Variants in SGCG observed in about 807,000 individuals in gnomAD.
SGCG encodes sarcoglycan gamma, also known as gamma-sarcoglycan.
A neutral mutation model predicts 29.3 loss-of-function variants in SGCG; 26 were observed. The observed-to-expected ratio is 0.89, with a 90% confidence interval of 0.65 to 1.23. The LOEUF (loss-of-function observed/expected upper bound fraction) is 1.23, where lower values mean the gene tolerates loss of function less well. Among genes scored for constraint, SGCG ranks in the 50% most tolerant of loss-of-function variants. SGCG has a pLI of 0.00. For synonymous variants in SGCG, 145 were observed against 129.7 expected, an observed-to-expected ratio of 1.12 and a Z score of -0.80; for missense variants, 353 against 356.0, an observed-to-expected ratio of 0.99 and a Z score of 0.07.
intron 2 of SGCG, among the ~76,000 whole-genome samples, chr13:23,217,236 ACTATAAGC>A (rs1379383212): frequency 2.0e-5 from 3 of 152,118 alleles, no homozygotes; most frequent in Non-Finnish European, 2.9e-5. Flanking sequence ...TTGTTATCAT[ACTATAAGC>A]TCTTATGAAT....
intron 1 of SGCG, 36 bp from the exon 2 acceptor site, chr13:23,203,659 C>CT (rs938423168): frequency 6.5e-7 from 1 of 1,547,118 alleles, no homozygotes; most frequent in Non-Finnish European, 8.9e-7. Context: ...CTCTCTGTCT[C>CT]TTTCTCTCTC....
chr13:23,211,234 C>T (rs563597631), intron 2 of SGCG, among the ~76,000 whole-genome samples: 9 of 152,212 alleles, frequency 5.9e-5, no homozygotes, highest in African/African-American at 2.2e-4. Context: ...CACAGCAGAC[C>T]AGAAATCCGT....
intron 4 of SGCG, among the ~76,000 whole-genome samples, chr13:23,262,961 A>G (rs1193846575): frequency 6.6e-6 from 1 of 152,050 alleles, no homozygotes; most frequent in African/African-American, 2.4e-5. Context: ...AAAGTGAATA[A>G]GAGTGAGTCA....
At chr13:23,215,514 T>A (rs1436752329) in intron 2 of SGCG, among the ~76,000 whole-genome samples, 2 of 152,170 alleles carry the variant, frequency 1.3e-5, no homozygotes, top group African/African-American at 4.8e-5. Flanking sequence ...GATTCTCCCA[T>A]AGCACACACA....
At chr13:23,187,749 C>A (rs1035815227) in intron 1 of SGCG, among the ~76,000 whole-genome samples, 1 of 152,182 alleles carries the variant, frequency 6.6e-6, no homozygotes, top group African/African-American at 2.4e-5. Context: ...TGACCTGAGG[C>A]CTTGGTGCAT....
At position 23,278,476 on chromosome 13, in the gene SGCG, A is replaced by T. The variant is rs558259831; in HGVS notation, c.386-883A>T. On this transcript the variant is annotated intron_variant, in intron 4 of 7. Transcript: ENST00000218867. ...AAAAAAAAAAGAATATAAAGCTAAC[A>T]TAAACAAATTGGGGAACTCCTAATT... Among the ~76,000 whole-genome samples the T allele has an allele frequency of 9.9e-5, 15 of 152,168 alleles. No homozygotes were observed. In the South Asian group the frequency reaches 2.5e-3, roughly 25 times the overall value.
At chr13:23,258,545 C>T (rs1342695397) in intron 4 of SGCG, among the ~76,000 whole-genome samples, 1 of 152,178 alleles carries the variant, frequency 6.6e-6, no homozygotes, top group Non-Finnish European at 1.5e-5. Context: ...TTATTTCTTC[C>T]TCTTGCCTGA....
intron 2 of SGCG, among the ~76,000 whole-genome samples, chr13:23,225,780 T>TACAAACACACAC (rs71185059): frequency 6.7e-6 from 1 of 148,544 alleles, no homozygotes; most frequent in African/African-American, 2.5e-5. Flanking sequence ...GGACATGTCA[T>TACAAACACACAC]ACACACACAC....
chr13:23,208,433 A>G (rs1186248233), intron 2 of SGCG, among the ~76,000 whole-genome samples: 2 of 152,184 alleles, frequency 1.3e-5, no homozygotes, highest in African/African-American at 4.8e-5. Flanking sequence ...AAAGCCAGTA[A>G]AACATCACAA....
intron 2 of SGCG, among the ~76,000 whole-genome samples, chr13:23,204,168 GTTGA>G (rs1287310738): frequency 2.6e-5 from 4 of 151,158 alleles, no homozygotes; most frequent in Non-Finnish European, 5.9e-5. Context: ...TTAGTTTGTG[GTTGA>G]TTGAGTCAGG....
intron 6 of SGCG, among the ~76,000 whole-genome samples, chr13:23,297,282 G>A (rs865977894): frequency 5.7e-4 from 85 of 150,410 alleles, no homozygotes; most frequent in African/African-American, 1.8e-3. Context: ...AGACCAGCTC[G>A]GTCAGGGAGA....
intron 4 of SGCG, among the ~76,000 whole-genome samples, chr13:23,266,066 A>G (rs1880627470): frequency 6.6e-6 from 1 of 152,176 alleles, no homozygotes; most frequent in Non-Finnish European, 1.5e-5. Context: ...ACCTGAGGTC[A>G]GGAGTTCGAG....
chr13:23,242,592 G>A (rs1260442659), intron 3 of SGCG, among the ~76,000 whole-genome samples: 1 of 152,098 alleles, frequency 6.6e-6, no homozygotes, highest in Non-Finnish European at 1.5e-5. Flanking sequence ...CAATTGAGAT[G>A]AATAGAAAAA....
At chr13:23,190,148 GAGTATATGTGGAA>G (rs1565993001) in intron 1 of SGCG, among the ~76,000 whole-genome samples, 2 of 151,928 alleles carry the variant, frequency 1.3e-5, no homozygotes, top group Admixed American at 6.5e-5. Flanking sequence ...ATTTTTGTAT[GAGTATATGTGGAA>G]AGTACATGAA....
Position 23,282,605 on chromosome 13 carries a change from A to G in SGCG, c.505+3127A>G, listed in dbSNP as rs1027218685. On this transcript the variant is annotated intron_variant, in intron 5 of 7. Transcript: ENST00000218867. The stretch of plus-strand genomic sequence containing the variant: ...GTATTTGGTTTTCTATTACTGTGCT[A>G]GTTTGCTAAGGATAATAGTCTCCAG... Among the ~76,000 whole-genome samples the G allele has an allele frequency of 2.0e-5, 3 of 152,308 alleles. No individual in the cohort carries two copies. In the East Asian group the frequency reaches 5.8e-4, roughly 29 times the overall value.
At position 23,223,360 on chromosome 13, in the gene SGCG, T is replaced by C. The variant is rs915480838; in HGVS notation, c.196-11251T>C. Among the ~76,000 whole-genome samples, 8 of 151,986 alleles carry C rather than the reference T, an allele frequency of 5.3e-5. 1 individual carries two copies. Among genetic ancestry groups the C allele is most frequent in the Admixed American group, 5.2e-4 (8 of 15,274 alleles). The stretch of plus-strand genomic sequence containing the variant: ...TTCTCCACCTATAGATGAAATAATT[T>C]AAAGCATTCAGACTAATAATGACTA... On this transcript the variant is annotated intron_variant, in intron 2 of 7. Coordinates refer to ENST00000218867, the MANE Select transcript of SGCG (RefSeq NM_000231.3).
chr13:23,178,219 A>G (rs1876622041), upstream of SGCG, among the ~76,000 whole-genome samples: 1 of 152,144 alleles, frequency 6.6e-6, no homozygotes, highest in South Asian at 2.1e-4. Flanking sequence ...GGCTATAGCA[A>G]TAGGTGATGC....
intron 2 of SGCG, among the ~76,000 whole-genome samples, chr13:23,228,766 CA>C (rs1168200497): frequency 3.9e-5 from 6 of 152,316 alleles, no homozygotes; most frequent in African/African-American, 1.4e-4. Flanking sequence ...AATTGGCCTC[CA>C]GTTCCATCCA....
chr13:23,233,841 C>T (rs903749542), intron 2 of SGCG, among the ~76,000 whole-genome samples: 3 of 152,138 alleles, frequency 2.0e-5, no homozygotes, highest in African/African-American at 7.2e-5. Context: ...GGAGGACGAG[C>T]CTGTTAGGAG....
Sources: allele counts gnomAD v4.1 joint callset (sites outside exome capture counted in the v4.1 genomes callset), GRCh38; gene constraint gnomAD v4.1.1; transcripts MANE v1.5; gene names NCBI Gene and HGNC (gene_info 2026-07-23, HGNC 2026-07-21).